NANOGNB: variants seen among roughly 807,000 people sequenced by gnomAD.
NANOGNB encodes NANOG neighbor homeobox.
In NANOGNB, 30 loss-of-function variants were observed where a neutral mutation model predicts 25.0. The observed-to-expected ratio is 1.20, with a 90% CI of 0.90 to 1.63. The LOEUF (loss-of-function observed/expected upper bound fraction) is 1.63, where lower values mean the gene tolerates loss of function less well. Ranked by LOEUF, NANOGNB falls within the 40% of genes most tolerant of loss-of-function variation. NANOGNB has a pLI of 0.00. For missense variants in NANOGNB, 200 were observed against 188.1 expected (o/e 1.06, Z -0.37); for synonymous variants, 84 against 62.1 (o/e 1.35, Z -1.66).
chr12:7,766,596 T>C (rs187352796), intron 1 of NANOGNB, among the ~76,000 whole-genome samples: 57 of 152,372 alleles, frequency 3.7e-4, no homozygotes, highest in Admixed American at 2.0e-3. Context: ...TTTTTGTTTC[T>C]TGAGTCACAG....
At chr12:7,771,284 G>A (rs1011689519) in intron 3 of NANOGNB, among the ~76,000 whole-genome samples, 9 of 151,994 alleles carry the variant, frequency 5.9e-5, no homozygotes, top group African/African-American at 9.6e-5. Context: ...GCAGTGGCGC[G>A]ATCTCGGCTC....
chr12:7,769,326 AT>A (rs71038746), intron 1 of NANOGNB, among the ~76,000 whole-genome samples: 50,803 of 141,596 alleles, frequency 0.36, 9,085 homozygotes, highest in Middle Eastern at 0.41. Context: ...TGCCTGGCAA[AT>A]TTTTTTTTTT....
Position 7,765,266 on chromosome 12 carries a change from T to G in NANOGNB, c.-20T>G. 1 of 1,288,516 alleles carries G rather than the reference T, an allele frequency of 7.8e-7. No homozygotes were observed. Among genetic ancestry groups the G allele is most frequent in the Non-Finnish European group, 1.0e-6 (1 of 988,060 alleles). The allele number at this position is 1,288,516 out of a possible 1,614,324, so 79.8% of individuals were successfully genotyped here. On this transcript the variant is annotated 5_prime_UTR_variant, in exon 1 of 4. Transcript: ENST00000382119. ...CTGTAACCTCCCTACCAAGGACTAA[T>G]TGGTCTTTAAAACTCCTCAATGCAC...
chr12:7,773,050 G>A (rs1473899195), intron 3 of NANOGNB, among the ~76,000 whole-genome samples: 1 of 151,582 alleles, frequency 6.6e-6, no homozygotes, highest in African/African-American at 2.4e-5. Flanking sequence ...CATAGTCTAG[G>A]CTCTATCAAT....
At chr12:7,766,134 A>G (rs1170959055) in intron 1 of NANOGNB, 1 of 398,606 alleles carries the variant, frequency 2.5e-6, no homozygotes, top group Non-Finnish European at 4.4e-6. Context: ...CAATGTGGAG[A>G]GAGATCCCGA....
chr12:7,766,244 G>A (rs1387586099), intron 1 of NANOGNB: 1 of 398,190 alleles, frequency 2.5e-6, no homozygotes, highest in East Asian at 3.6e-5. Flanking sequence ...GCCAAGCGGG[G>A]CAGATCGCTT....
chr12:7,773,067 C>T (rs1037004880), intron 3 of NANOGNB, among the ~76,000 whole-genome samples: 1 of 151,284 alleles, frequency 6.6e-6, no homozygotes, highest in Non-Finnish European at 1.5e-5. Flanking sequence ...CAATTTGTTT[C>T]ACATGTAGTG....
Position 7,773,868 on chromosome 12 carries a change from TC to T in NANOGNB, c.*19del. 1 of 609,898 alleles carries T rather than the reference TC, an allele frequency of 1.6e-6. No individual in the cohort carries two copies. 37.8% of individuals were successfully genotyped at this position (609,898 alleles called of 1,614,324 possible). A position where few individuals can be genotyped will look rare whatever the true frequency, so the allele number is the denominator to read the frequency against. On this transcript the variant is annotated 3_prime_UTR_variant, in exon 4 of 4. Transcript: ENST00000382119. ...CTCAAGTGATCTTCCTATTTTGGCC[TC>T]CAGAAATGCTGTGATTACAAGCATG...
intron 1 of NANOGNB, among the ~76,000 whole-genome samples, chr12:7,767,326 T>A (rs1178504878): frequency 6.6e-6 from 1 of 150,814 alleles, no homozygotes; most frequent in Non-Finnish European, 1.5e-5. Context: ...TCACATTCTG[T>A]AAAAGAAATT....
chr12:7,770,336 AT>A (rs931352756), intron 2 of NANOGNB, 21 bp downstream of exon 2: 182 of 1,520,294 alleles, frequency 1.2e-4, no homozygotes, highest in Non-Finnish European at 1.4e-4. Flanking sequence ...ATTAATAGAC[AT>A]TTCTTCATTG....
chr12:7,766,271 G>A, intron 1 of NANOGNB: 2 of 396,970 alleles, frequency 5.0e-6, no homozygotes, highest in Non-Finnish European at 8.9e-6. Context: ...AGGAGTTGAA[G>A]ACCATCCTGG....
In NANOGNB at chr12:7,773,793, T is replaced by TC. The variant is rs1162796651; in HGVS notation, c.516-7_516-6insC. ...AAACTCTTTTTTTTTTTTTTTTTTT[T>TC]AAACAGATGGAGATCTCTGTGTTGC... is the stretch of plus-strand genomic sequence containing the variant. On this transcript the variant is annotated splice_region_variant and splice_polypyrimidine_tract_variant and intron_variant, in intron 3 of 3. Coordinates refer to ENST00000382119, the MANE Select transcript of NANOGNB (RefSeq NM_001145465.1). 1.6e-6 allele frequency: 1 copy of TC among 629,786 alleles called. No individual in the cohort carries two copies. The highest frequency in any genetic ancestry group is 2.8e-6 in the Non-Finnish European group (1 of 356,864). 39.0% of individuals were successfully genotyped at this position (629,786 alleles called of 1,614,324 possible). A position where few individuals can be genotyped will look rare whatever the true frequency, so the allele number is the denominator to read the frequency against.
In NANOGNB at chr12:7,770,489, C is replaced by A; in HGVS notation, c.486C>A (p.Ser162=). 1 of 1,516,448 alleles carries A rather than the reference C, an allele frequency of 6.6e-7. No homozygotes were observed. Among genetic ancestry groups the A allele is most frequent in the Non-Finnish European group, 8.9e-7 (1 of 1,118,870 alleles). The allele number at this position is 1,516,448 out of a possible 1,614,324, so 93.9% of individuals were successfully genotyped here. The change falls in exon 3 of 4, where the codon TCC becomes TCA. Residue 162 remains serine (S), a synonymous_variant. Transcript: ENST00000382119. ...KTRKKYNKEM[S]KRKHKKKHMR... ...GGAAGAAATATAATAAAGAAATGTC[C>A]AAGAGAAAGCATAAGAAAAAACATA...
At chr12:7,771,524 C>G (rs1862565418) in intron 3 of NANOGNB, among the ~76,000 whole-genome samples, 1 of 151,786 alleles carries the variant, frequency 6.6e-6, no homozygotes, top group Non-Finnish European at 1.5e-5. Context: ...CAGCCAATAT[C>G]AACAGTTTTA....
In NANOGNB at chr12:7,769,833, C is replaced by G; in HGVS notation, c.103-150C>G. The G allele has an allele frequency of 4.4e-6, 3 of 681,648 alleles. No individual in the cohort carries two copies. The South Asian group carries it at 6.2e-5, about 14-fold the overall frequency. 42.2% of individuals were successfully genotyped at this position (681,648 alleles called of 1,614,324 possible). ...GAGCCACCGTGCCCAGCCTCAAGTT[C>G]ACTTTTTCTTTGCTCTATGTTTTCC... On this transcript the variant is annotated intron_variant, in intron 1 of 3. Transcript: ENST00000382119.
rs1387780679 is a variant in NANOGNB, at chr12:7,774,014, G to A, written c.*163G>A. ...ATTCCGTGGAGTAGAACTAAATGAGGGGTATGCAAAGGAGTTTTTATGTGT... is the reference window on the plus strand; with the variant it reads ...ATTCCGTGGAGTAGAACTAAATGAGAGGTATGCAAAGGAGTTTTTATGTGT... On this transcript the variant is annotated 3_prime_UTR_variant, in exon 4 of 4. Transcript: ENST00000382119. 9.5e-6 allele frequency: 4 copies of A among 420,664 alleles called. No individual in the cohort carries two copies. Among genetic ancestry groups the A allele is most frequent in the South Asian group, 7.8e-5 (1 of 12,780 alleles). The allele number at this position is 420,664 out of a possible 1,614,324, so 26.1% of individuals were successfully genotyped here. A position where few individuals can be genotyped will look rare whatever the true frequency, so the allele number is the denominator to read the frequency against.
At chr12:7,772,665 C>T (rs752828336) in intron 3 of NANOGNB, among the ~76,000 whole-genome samples, 1 of 149,990 alleles carries the variant, frequency 6.7e-6, no homozygotes, top group Non-Finnish European at 1.5e-5. Context: ...CTTACTGCAA[C>T]CTCCACCTCC....
Position 7,770,139 on chromosome 12 carries a change from G to A in NANOGNB, c.259G>A (p.Asp87Asn). ...AGAAAAAAACGAAAAGGAGCTGCAAGATGAACAGGAAAACAAAAGGAAAAG... is the reference window on the plus strand; with the variant it reads ...AGAAAAAAACGAAAAGGAGCTGCAAAATGAACAGGAAAACAAAAGGAAAAG... ...KEEKNEKELQ[D>N]EQENKRKREN... The change falls in exon 2 of 4, where the codon GAT becomes AAT. Residue 87 changes from aspartate (D) to asparagine (N), a missense_variant. By Grantham distance (23) the Asp-to-Asn change is conservative. Coordinates refer to ENST00000382119, the MANE Select transcript of NANOGNB (RefSeq NM_001145465.1). 1 of 1,546,646 alleles carries A rather than the reference G, an allele frequency of 6.5e-7. No homozygotes were observed. Among genetic ancestry groups the A allele is most frequent in the Non-Finnish European group, 8.8e-7 (1 of 1,142,666 alleles).
At chr12:7,772,220 C>T (rs933187923) in intron 3 of NANOGNB, among the ~76,000 whole-genome samples, 5 of 152,212 alleles carry the variant, frequency 3.3e-5, no homozygotes, top group Non-Finnish European at 7.3e-5. Flanking sequence ...CCCTCTGGCA[C>T]ATTGGGCTTG....
Sources: allele counts gnomAD v4.1 joint callset (sites outside exome capture counted in the v4.1 genomes callset), GRCh38; gene constraint gnomAD v4.1.1; transcripts MANE v1.5; gene names NCBI Gene and HGNC (gene_info 2026-07-23, HGNC 2026-07-21).